DLGAP2: variants seen among roughly 807,000 people sequenced by gnomAD.
The protein encoded by DLGAP2 is DLG associated protein 2.
Under a neutral mutation model 100.3 loss-of-function variants are expected in DLGAP2, and 26 were observed. The observed-to-expected ratio is 0.26, with a 90% CI of 0.19 to 0.36. The LOEUF is 0.36. Among genes scored for constraint, DLGAP2 ranks in the 10% least tolerant of loss-of-function variants. DLGAP2 has a pLI of 1.00. For synonymous variants in DLGAP2, 886 were observed against 630.1 expected (o/e 1.41, Z -6.08); for missense variants, 1,858 against 1,453.2 (o/e 1.28, Z -4.53).
At chr8:1,000,669 G>T (rs185437173) in intron 2 of DLGAP2, among the ~76,000 whole-genome samples, 135 of 152,288 alleles carry the variant, frequency 8.9e-4, no homozygotes, top group African/African-American at 3.0e-3. Context: ...GAACTGTCCG[G>T]TATTACTGTT....
At chr8:1,006,632 A>G (rs113666089) in intron 2 of DLGAP2, among the ~76,000 whole-genome samples, 1 of 44,056 alleles carries the variant, frequency 2.3e-5, no homozygotes, top group Non-Finnish European at 4.2e-5. Flanking sequence ...CGGGGACACC[A>G]TGTGTCTGAA....
Position 1,409,954 on chromosome 8 carries a change from G to A in DLGAP2, c.107-91412G>A, listed in dbSNP as rs556679246. Among the ~76,000 whole-genome samples, 16 of 152,292 alleles carry A rather than the reference G, an allele frequency of 1.1e-4. No homozygotes were observed. In the South Asian group the frequency reaches 1.5e-3, roughly 14 times the overall value. On this transcript the variant is annotated intron_variant, in intron 3 of 14. Transcript: ENST00000637795. ...CTCCATAATCATATGATCCAGTTCC[G>A]AAAATAAAACCCCCTCTTATGTGTC...
At chr8:1,463,174 A>C (rs1397990142) in intron 3 of DLGAP2, among the ~76,000 whole-genome samples, 1 of 152,152 alleles carries the variant, frequency 6.6e-6, no homozygotes, top group Non-Finnish European at 1.5e-5. Context: ...GCTTGAATCC[A>C]GGAGATGGAG....
chr8:884,979 C>G (rs964876811), intron 1 of DLGAP2, among the ~76,000 whole-genome samples: 1 of 152,118 alleles, frequency 6.6e-6, no homozygotes, highest in Admixed American at 6.5e-5. Context: ...CTGTTCTGCT[C>G]CATTGGTCTA....
chr8:1,588,910 T>C (rs192632643), intron 6 of DLGAP2, among the ~76,000 whole-genome samples: 19 of 152,200 alleles, frequency 1.2e-4, no homozygotes, highest in Middle Eastern at 3.4e-3. Flanking sequence ...CGACAGAGTG[T>C]GACTTCATCT....
At chr8:825,694 T>A (rs1035530876) in intron 1 of DLGAP2, among the ~76,000 whole-genome samples, 30 of 152,238 alleles carry the variant, frequency 2.0e-4, no homozygotes, top group African/African-American at 7.0e-4. Context: ...TTTTCTTTTT[T>A]AAAAATTTTT....
intron 3 of DLGAP2, among the ~76,000 whole-genome samples, chr8:1,330,587 C>A (rs192440779): frequency 7.5e-6 from 1 of 132,838 alleles, no homozygotes; most frequent in East Asian, 2.3e-4. Context: ...TGTGGGAGCA[C>A]CGCTTCACGG....
At chr8:996,572 G>T (rs997063690) in intron 2 of DLGAP2, among the ~76,000 whole-genome samples, 1 of 152,204 alleles carries the variant, frequency 6.6e-6, no homozygotes, top group African/African-American at 2.4e-5. Context: ...TTTGTTCTCA[G>T]TTCTCTCATG....
At chr8:1,221,668 T>C (rs1051354605) in intron 2 of DLGAP2, among the ~76,000 whole-genome samples, 2 of 152,242 alleles carry the variant, frequency 1.3e-5, no homozygotes, top group African/African-American at 2.4e-5. Flanking sequence ...GAAATTTTCA[T>C]GGACAGCATT....
chr8:1,343,735 G>A (rs936853517), intron 3 of DLGAP2, among the ~76,000 whole-genome samples: 1 of 151,904 alleles, frequency 6.6e-6, no homozygotes, highest in Non-Finnish European at 1.5e-5. Flanking sequence ...GCTCCGATGT[G>A]CACGACAGTG....
intron 2 of DLGAP2, among the ~76,000 whole-genome samples, chr8:1,144,847 C>A (rs1241065007): frequency 6.6e-6 from 1 of 152,146 alleles, no homozygotes; most frequent in African/African-American, 2.4e-5. Flanking sequence ...CACAGTCAGA[C>A]CGCAGACGGC....
intron 2 of DLGAP2, among the ~76,000 whole-genome samples, chr8:1,192,959 G>A (rs1797671955): frequency 6.6e-6 from 1 of 152,056 alleles, no homozygotes; most frequent in Non-Finnish European, 1.5e-5. Context: ...TGCTGAGAAT[G>A]ATGGTTTCCA....
chr8:1,096,438 C>G (rs563296610), intron 2 of DLGAP2, among the ~76,000 whole-genome samples: 1 of 152,364 alleles, frequency 6.6e-6, no homozygotes, highest in South Asian at 2.1e-4. Flanking sequence ...ACCTCTGTGG[C>G]ATGGAGAGGA....
At chr8:1,304,782 T>C (rs1800451105) in intron 3 of DLGAP2, among the ~76,000 whole-genome samples, 1 of 152,192 alleles carries the variant, frequency 6.6e-6, no homozygotes, top group Non-Finnish European at 1.5e-5. Context: ...GGTCCTGTAC[T>C]TGTAAATCCA....
chr8:1,038,114 C>T (rs897074355), intron 2 of DLGAP2, among the ~76,000 whole-genome samples: 2 of 152,184 alleles, frequency 1.3e-5, no homozygotes, highest in Non-Finnish European at 2.9e-5. Context: ...TGTGTGTGTT[C>T]ATATACAAGT....
intron 2 of DLGAP2, among the ~76,000 whole-genome samples, chr8:1,099,349 G>A (rs1226476056): frequency 6.6e-6 from 1 of 152,242 alleles, no homozygotes; most frequent in African/African-American, 2.4e-5. Context: ...TGTCTCCGGT[G>A]TGCATAGGAG....
chr8:1,418,133 T>C (rs1796983488), intron 3 of DLGAP2, among the ~76,000 whole-genome samples: 1 of 152,196 alleles, frequency 6.6e-6, no homozygotes, highest in Admixed American at 6.5e-5. Context: ...AGCCATACAG[T>C]GTGGCCTCAT....
At chr8:1,050,160 CTT>C (rs1476060621) in intron 2 of DLGAP2, among the ~76,000 whole-genome samples, 1 of 152,248 alleles carries the variant, frequency 6.6e-6, no homozygotes. Flanking sequence ...AGAGCAGAAA[CTT>C]TGTATGCCTA....
intron 3 of DLGAP2, among the ~76,000 whole-genome samples, chr8:1,285,208 T>A (rs1799898085): frequency 6.6e-6 from 1 of 152,222 alleles, no homozygotes; most frequent in Non-Finnish European, 1.5e-5. Flanking sequence ...ATGGCTCCCA[T>A]CGTGGACTGA....
Sources: gnomAD v4.1 joint callset for allele counts (sites outside exome capture counted in the v4.1 genomes callset) on GRCh38, gnomAD v4.1.1 for gene constraint, MANE v1.5 for transcripts, NCBI Gene and HGNC (gene_info 2026-07-23, HGNC 2026-07-21) for gene names.